TECTA: variants seen among roughly 807,000 people sequenced by gnomAD.
The protein encoded by TECTA is tectorin alpha, also known as alpha-tectorin.
A neutral mutation model predicts 216.8 loss-of-function variants in TECTA; 128 were observed. The ratio of observed to expected loss-of-function variants is 0.59; its 90% confidence interval spans 0.51 to 0.68. The LOEUF (loss-of-function observed/expected upper bound fraction) is 0.68. TECTA is among the 30% of genes least tolerant of loss of function. The pLI, the probability that TECTA is intolerant of heterozygous loss-of-function variation, is 0.00. For missense variants in TECTA, 2,551 were observed against 2,786.2 expected (o/e 0.92, Z 1.90); for synonymous variants, 1,089 against 1,117.1 (o/e 0.97, Z 0.50).
At chr11:121,121,993 G>T (rs1037686447) in intron 7 of TECTA, among the ~76,000 whole-genome samples, 12 of 152,054 alleles carry the variant, frequency 7.9e-5, no homozygotes, top group African/African-American at 9.7e-5. Flanking sequence ...TATAGGCAAG[G>T]TCACCTAGTA....
At chr11:121,153,541 C>A (rs144180906) in intron 13 of TECTA, among the ~76,000 whole-genome samples, 93 of 152,280 alleles carry the variant, frequency 6.1e-4, no homozygotes, top group East Asian at 2.5e-3. Flanking sequence ...GGACTTCCCT[C>A]TTCTGTCTGT....
At chr11:121,103,071 A>C (rs1946361460) in intron 2 of TECTA, among the ~76,000 whole-genome samples, 1 of 152,216 alleles carries the variant, frequency 6.6e-6, no homozygotes, top group Non-Finnish European at 1.5e-5. Context: ...GATTTCCATT[A>C]AGGCATTTAA....
At position 121,189,061 on chromosome 11, in the gene TECTA, C is replaced by T; in HGVS notation, c.6163-19C>T. 1 of 1,613,528 alleles carries T rather than the reference C, an allele frequency of 6.2e-7. No individual in the cohort carries two copies. The highest frequency in any genetic ancestry group is 1.3e-5 in the African/African-American group (1 of 75,034). On this transcript the variant is annotated intron_variant, in intron 21 of 23. Coordinates refer to ENST00000392793, the MANE Select transcript of TECTA (RefSeq NM_005422.4). ...AGCTTAATTGTGTGAAAATTTCCCCCTGGTATTCTGTCTTGCAGACTTGCC... is the reference window on the plus strand; with the variant it reads ...AGCTTAATTGTGTGAAAATTTCCCCTTGGTATTCTGTCTTGCAGACTTGCC...
At chr11:121,122,819 C>T (rs1456687927) in intron 7 of TECTA, among the ~76,000 whole-genome samples, 2 of 151,060 alleles carry the variant, frequency 1.3e-5, no homozygotes, top group African/African-American at 4.9e-5. Context: ...TGCCACTGCA[C>T]TCCAGCCTGG....
At chr11:121,176,119 G>A (rs1947163829) in intron 20 of TECTA, among the ~76,000 whole-genome samples, 1 of 151,748 alleles carries the variant, frequency 6.6e-6, no homozygotes, top group Non-Finnish European at 1.5e-5. Context: ...ACAGCACACT[G>A]ATGGGTCTTG....
chr11:121,133,145 T>C (rs957108093), intron 10 of TECTA, among the ~76,000 whole-genome samples: 1 of 152,244 alleles, frequency 6.6e-6, no homozygotes, highest in Non-Finnish European at 1.5e-5. Flanking sequence ...CAAAACTACA[T>C]AAGAGAACAC....
At chr11:121,145,036 T>A (rs1267996103) in intron 11 of TECTA, among the ~76,000 whole-genome samples, 1 of 151,950 alleles carries the variant, frequency 6.6e-6, no homozygotes, top group Non-Finnish European at 1.5e-5. Context: ...ACAGAAGAGG[T>A]GACATTGGAG....
intron 3 of TECTA, among the ~76,000 whole-genome samples, chr11:121,108,814 AAC>A (rs908023852): frequency 1.2e-5 from 1 of 80,238 alleles, no homozygotes; most frequent in Non-Finnish European, 2.5e-5. Flanking sequence ...TCAGTACACA[AAC>A]ACACACTCAC....
chr11:121,151,121 C>T (rs1399689372), intron 12 of TECTA, among the ~76,000 whole-genome samples: 1 of 152,118 alleles, frequency 6.6e-6, no homozygotes, highest in Non-Finnish European at 1.5e-5. Flanking sequence ...AAGGAGATGG[C>T]ACATATCGCA....
intron 20 of TECTA, among the ~76,000 whole-genome samples, chr11:121,177,535 A>T (rs1472717278): frequency 4.6e-5 from 7 of 152,120 alleles, no homozygotes; most frequent in Non-Finnish European, 1.0e-4. Context: ...TTCCTCTGGA[A>T]GTTTTGTCTC....
At position 121,143,330 on chromosome 11, in the gene TECTA, T is replaced by C. The variant is rs559014193; in HGVS notation, c.3544-2225T>C. The stretch of plus-strand genomic sequence containing the variant: ...TTATTCATATTTATCAGGATATTTT[T>C]CCCTTATCTACCTGGGGCTTTGCTG... On this transcript the variant is annotated intron_variant, in intron 11 of 23. Transcript: ENST00000392793. Among the ~76,000 whole-genome samples the C allele has an allele frequency of 2.4e-4, 37 of 152,344 alleles. No individual in the cohort carries two copies. The South Asian group carries it at 4.4e-3, about 18-fold the overall frequency.
At chr11:121,190,569 C>A in intron 23 of TECTA, 137 bp from the exon 24 acceptor site, 1 of 706,322 alleles carries the variant, frequency 1.4e-6, no homozygotes, top group Non-Finnish European at 2.5e-6. Flanking sequence ...ACTTTGCTGC[C>A]TTAGGGCCAT....
chr11:121,107,975 G>C (rs1195335446), intron 3 of TECTA, among the ~76,000 whole-genome samples: 3 of 152,110 alleles, frequency 2.0e-5, no homozygotes, highest in Non-Finnish European at 4.4e-5. Flanking sequence ...CCTTGTCCTT[G>C]CTCTGAGTGC....
chr11:121,168,974 T>C lies in TECTA; in HGVS notation c.5999+49T>C, dbSNP rs752991548. 7.5e-5 allele frequency: 121 copies of C among 1,613,306 alleles called. 1 individual carries two copies. The South Asian group carries it at 1.3e-3, about 17-fold the overall frequency. On this transcript the variant is annotated intron_variant, in intron 20 of 23. Coordinates refer to ENST00000392793, the MANE Select transcript of TECTA (RefSeq NM_005422.4). ...CATTCTCAGAGCTTCAGGTATAATA[T>C]TGTCCTCATCATTTTTTAAGGAAGG... is the stretch of plus-strand genomic sequence containing the variant.
chr11:121,177,716 C>T (rs928572159), intron 20 of TECTA, among the ~76,000 whole-genome samples: 8 of 152,364 alleles, frequency 5.3e-5, no homozygotes, highest in African/African-American at 1.9e-4. Context: ...AGATGTCAGA[C>T]AGGGACATTT....
intron 11 of TECTA, among the ~76,000 whole-genome samples, chr11:121,138,581 G>A (rs368033585): frequency 5.9e-5 from 9 of 152,238 alleles, no homozygotes; most frequent in African/African-American, 1.7e-4. Context: ...TGGAGGACTC[G>A]GGGCTCTCCT....
Position 121,183,435 on chromosome 11 carries a change from G to A in TECTA, c.6000-4397G>A, listed in dbSNP as rs139512887. ...ATGGCTCTCCCATGGCTAGCATTACGAAAGTCTGCAGTGGAATATGGACCA... is the reference window on the plus strand; with the variant it reads ...ATGGCTCTCCCATGGCTAGCATTACAAAAGTCTGCAGTGGAATATGGACCA... On this transcript the variant is annotated intron_variant, in intron 20 of 23. Transcript: ENST00000392793. Among the ~76,000 whole-genome samples the A allele has an allele frequency of 2.6e-3, 395 of 152,240 alleles. 2 individuals carry two copies. Among genetic ancestry groups the A allele is most frequent in the African/African-American group, 7.4e-3 (308 of 41,554 alleles).
intron 14 of TECTA, among the ~76,000 whole-genome samples, 198 bp from the exon 15 acceptor site, chr11:121,159,937 G>A (rs1378329364): frequency 6.6e-6 from 1 of 152,214 alleles, no homozygotes; most frequent in Non-Finnish European, 1.5e-5. Flanking sequence ...TGTAAATAAA[G>A]CTTTGCTGGA....
In TECTA at chr11:121,113,743, C is replaced by A. The variant is rs902882558; in HGVS notation, c.790+25C>A. The A allele has an allele frequency of 1.9e-6, 3 of 1,612,090 alleles. No individual in the cohort carries two copies. The highest frequency in any genetic ancestry group is 2.7e-5 in the African/African-American group (2 of 74,872). ...GGTAAAGCTTTTCCTCTGTCTGTGG[C>A]AAGGCAGGGTTTGTTTAGTGTAGAT... On this transcript the variant is annotated intron_variant, in intron 6 of 23. Coordinates refer to ENST00000392793, the MANE Select transcript of TECTA (RefSeq NM_005422.4). This position sits in a 1 kb window ranked among gnomAD's most constrained non-coding sequence, Gnocchi z 4.2.
Sources: gnomAD v4.1 joint callset for allele counts (sites outside exome capture counted in the v4.1 genomes callset) on GRCh38, gnomAD v4.1.1 for gene constraint, Gnocchi (gnomAD v3.1) non-coding constraint, MANE v1.5 for transcripts, NCBI Gene and HGNC (gene_info 2026-07-23, HGNC 2026-07-21) for gene names.